MYRIP: variants seen among roughly 807,000 people sequenced by gnomAD.
The protein encoded by MYRIP is myosin VIIA and Rab interacting protein.
Under a neutral mutation model 98.0 loss-of-function variants are expected in MYRIP, and 49 were observed. That is an observed-to-expected ratio of 0.50 (90% CI 0.40 to 0.63). The LOEUF (loss-of-function observed/expected upper bound fraction) is 0.63, where lower values mean the gene tolerates loss of function less well. Among genes scored for constraint, MYRIP ranks in the 30% least tolerant of loss-of-function variants. The pLI, the probability that MYRIP is intolerant of heterozygous loss-of-function variation, is 0.00. For synonymous variants in MYRIP, 404 were observed against 409.5 expected (o/e 0.99, Z 0.16); for missense variants, 1,004 against 1,058.2 (o/e 0.95, Z 0.71).
At chr3:40,005,612 TG>T (rs751681460) in intron 2 of MYRIP, among the ~76,000 whole-genome samples, 1 of 152,252 alleles carries the variant, frequency 6.6e-6, no homozygotes, top group Non-Finnish European at 1.5e-5. Context: ...TTGATTTCAT[TG>T]GCACCAAATG....
intron 1 of MYRIP, among the ~76,000 whole-genome samples, chr3:39,897,107 G>T (rs1037565994): frequency 6.6e-6 from 1 of 152,138 alleles, no homozygotes; most frequent in Non-Finnish European, 1.5e-5. Context: ...AGCTACTGGA[G>T]TTTGTCATCA....
At chr3:39,952,790 G>C (rs1331041471) in intron 2 of MYRIP, among the ~76,000 whole-genome samples, 1 of 151,998 alleles carries the variant, frequency 6.6e-6, no homozygotes, top group Non-Finnish European at 1.5e-5. Context: ...AGATAATTTT[G>C]CTGGAGAGTA....
At chr3:40,203,999 ATTATATATT>A (rs1951681545) in intron 10 of MYRIP, among the ~76,000 whole-genome samples, 1 of 1,082 alleles carries the variant, frequency 9.2e-4, no homozygotes, top group African/African-American at 1.5e-3. Flanking sequence ...TATTATATAT[ATTATATATT>A]ATATATAATA....
At chr3:40,008,340 A>T (rs79129673) in intron 2 of MYRIP, among the ~76,000 whole-genome samples, 1 of 152,388 alleles carries the variant, frequency 6.6e-6, no homozygotes, top group Non-Finnish European at 1.5e-5. Context: ...ATTTAAAGCA[A>T]TGGATAAATT....
At chr3:40,177,737 A>G (rs913338253) in intron 8 of MYRIP, among the ~76,000 whole-genome samples, 4 of 152,156 alleles carry the variant, frequency 2.6e-5, no homozygotes, top group African/African-American at 2.4e-5. Flanking sequence ...CTTTGGGTGC[A>G]TGCATATAAA....
chr3:40,005,628 T>C (rs1264648692), intron 2 of MYRIP, among the ~76,000 whole-genome samples: 1 of 152,256 alleles, frequency 6.6e-6, no homozygotes, highest in Non-Finnish European at 1.5e-5. Context: ...CAAATGGAAA[T>C]ATTTAATAAT....
intron 1 of MYRIP, among the ~76,000 whole-genome samples, chr3:39,820,298 T>C (rs1428433992): frequency 6.6e-6 from 1 of 152,192 alleles, no homozygotes; most frequent in East Asian, 1.9e-4. Context: ...GTTGGGTCAT[T>C]TTCTAGTCTG....
intron 2 of MYRIP, among the ~76,000 whole-genome samples, chr3:40,040,742 C>G (rs1366834900): frequency 1.7e-5 from 1 of 58,694 alleles, no homozygotes; most frequent in Non-Finnish European, 3.6e-5. Flanking sequence ...AAAAACCAAA[C>G]ACCGCATATT....
At chr3:39,836,107 C>T (rs1363391698) in intron 1 of MYRIP, among the ~76,000 whole-genome samples, 1 of 151,806 alleles carries the variant, frequency 6.6e-6, no homozygotes, top group Non-Finnish European at 1.5e-5. Flanking sequence ...GGTTATATAC[C>T]CAGTAATGAC....
At chr3:40,014,545 G>A (rs901738957) in intron 2 of MYRIP, among the ~76,000 whole-genome samples, 1 of 152,144 alleles carries the variant, frequency 6.6e-6, no homozygotes. Context: ...CCACACCAGA[G>A]TCCACTACTC....
intron 1 of MYRIP, among the ~76,000 whole-genome samples, chr3:39,882,858 G>GC (rs886862132): frequency 4.6e-5 from 7 of 151,784 alleles, no homozygotes; most frequent in African/African-American, 7.3e-5. Flanking sequence ...CACTGCACCT[G>GC]CCCCCCCTCC....
intron 7 of MYRIP, among the ~76,000 whole-genome samples, chr3:40,167,472 G>A (rs1950523498): frequency 6.6e-6 from 1 of 152,204 alleles, no homozygotes; most frequent in African/African-American, 2.4e-5. Context: ...CTTGCATGGT[G>A]TACCTGTCAA....
At chr3:40,178,094 A>G (rs996211173) in intron 8 of MYRIP, among the ~76,000 whole-genome samples, 2 of 152,136 alleles carry the variant, frequency 1.3e-5, no homozygotes, top group African/African-American at 4.8e-5. Flanking sequence ...TTTGCCCTCA[A>G]ATCTTTGATA....
intron 3 of MYRIP, among the ~76,000 whole-genome samples, chr3:40,090,620 C>G (rs1470968947): frequency 6.6e-6 from 1 of 152,206 alleles, no homozygotes; most frequent in Non-Finnish European, 1.5e-5. Flanking sequence ...CTCAGATGAA[C>G]AGCTTCATTC....
chr3:39,919,727 TGA>T (rs71091779), intron 2 of MYRIP, among the ~76,000 whole-genome samples: 146 of 123,448 alleles, frequency 1.2e-3, no homozygotes, highest in South Asian at 1.9e-3. Context: ...TGTGTGTGTG[TGA>T]GAGAGAGAGA....
At chr3:40,024,148 T>C (rs1947068692) in intron 2 of MYRIP, among the ~76,000 whole-genome samples, 1 of 152,180 alleles carries the variant, frequency 6.6e-6, no homozygotes, top group Non-Finnish European at 1.5e-5. Context: ...ACATTCTCTG[T>C]CAGCCACCTT....
At chr3:40,029,468 G>T (rs979811557) in intron 2 of MYRIP, among the ~76,000 whole-genome samples, 13 of 152,178 alleles carry the variant, frequency 8.5e-5, no homozygotes, top group Middle Eastern at 3.2e-3. Flanking sequence ...GCCAGCTAAA[G>T]GTGCCCAAGA....
chr3:40,110,878 AGG>A (rs1949143376), intron 3 of MYRIP, among the ~76,000 whole-genome samples: 1 of 125,848 alleles, frequency 7.9e-6, no homozygotes, highest in African/African-American at 3.1e-5. Flanking sequence ...CAGTTCATGA[AGG>A]GGTGTGTGTG....
chr3:40,122,567 CATT>C (rs1949426954), intron 3 of MYRIP, among the ~76,000 whole-genome samples: 1 of 151,696 alleles, frequency 6.6e-6, no homozygotes, highest in South Asian at 2.1e-4. Flanking sequence ...TAATTAAACA[CATT>C]AATCTGTATA....
Sources: gnomAD v4.1 joint callset for allele counts (sites outside exome capture counted in the v4.1 genomes callset) on GRCh38, gnomAD v4.1.1 for gene constraint, MANE v1.5 for transcripts, NCBI Gene and HGNC (gene_info 2026-07-23, HGNC 2026-07-21) for gene names.